Variants in PRMT8 observed in about 807,000 individuals in gnomAD.
PRMT8 encodes protein arginine N-methyltransferase 8.
PRMT8 carries 7 observed loss-of-function variants against 47.1 expected under a neutral mutation model. That is an observed-to-expected ratio of 0.15 (90% CI 0.08 to 0.28). The LOEUF is 0.28. PRMT8 is among the 10% of genes least tolerant of loss of function. The pLI, the probability that PRMT8 is intolerant of heterozygous loss-of-function variation, is 1.00. For synonymous variants in PRMT8, 188 were observed against 186.5 expected (o/e 1.01, Z -0.07); for missense variants, 237 against 505.4 (o/e 0.47, Z 5.09).
intron 2 of PRMT8, among the ~76,000 whole-genome samples, chr12:3,544,009 A>G (rs1368137118): frequency 6.6e-6 from 1 of 150,688 alleles, no homozygotes; most frequent in Non-Finnish European, 1.5e-5. Context: ...TGCCAATCCC[A>G]CTCCCGGCCA....
intron 8 of PRMT8, among the ~76,000 whole-genome samples, chr12:3,589,094 A>T (rs1350955837): frequency 6.6e-6 from 1 of 152,196 alleles, no homozygotes; most frequent in African/African-American, 2.4e-5. Flanking sequence ...ATGACCAAAG[A>T]CTTGCCTGAT....
intron 6 of PRMT8, among the ~76,000 whole-genome samples, chr12:3,574,305 C>G (rs1013916720): frequency 6.6e-6 from 1 of 152,232 alleles, no homozygotes; most frequent in Non-Finnish European, 1.5e-5. Context: ...CAGTAAAGAT[C>G]ATGTACCCCA....
intron 1 of PRMT8, among the ~76,000 whole-genome samples, chr12:3,507,758 CTT>C (rs928102421): frequency 3.7e-4 from 49 of 132,646 alleles, no homozygotes; most frequent in South Asian, 4.8e-4. Context: ...TCTTCTCCTT[CTT>C]TTTTTTTTTT....
intron 1 of PRMT8, among the ~76,000 whole-genome samples, chr12:3,536,752 A>G (rs914022671): frequency 1.3e-5 from 2 of 152,146 alleles, no homozygotes; most frequent in South Asian, 4.2e-4. Context: ...CCGGAGTGCA[A>G]TGCTCGGGCC....
chr12:3,425,161 G>C (rs1473435363), intron 1 of PRMT8, among the ~76,000 whole-genome samples: 1 of 152,212 alleles, frequency 6.6e-6, no homozygotes, highest in African/African-American at 2.4e-5. Flanking sequence ...TGCAAACTTC[G>C]ATGGTTATGT....
intron 1 of PRMT8, among the ~76,000 whole-genome samples, chr12:3,496,214 A>ATTTTTTTTTTTTTTTTTTTTTTTT (rs1555085718): frequency 1.1e-4 from 3 of 27,776 alleles, no homozygotes; most frequent in Non-Finnish European, 2.4e-4. Context: ...ATATATATAT[A>ATTTTTTTTTTTTTTTTTTTTTTTT]TTTTTTTTTT....
In PRMT8 at chr12:3,434,619, C is replaced by T. The variant is rs568508387; in HGVS notation, c.48+53177C>T. 8.5e-5 allele frequency among the ~76,000 whole-genome samples: 13 copies of T among 152,212 alleles called. No homozygotes were observed. In the East Asian group the frequency reaches 2.3e-3, roughly 27 times the overall value. On this transcript the variant is annotated intron_variant, in intron 1 of 9. Coordinates refer to the PRMT8 transcript ENST00000452611. ...CTGACAGAGGAAGTTACAGAAGGAG[C>T]CCCCCAGAAAATGGAGCTGATGACA...
chr12:3,511,562 C>T (rs1865714413), intron 1 of PRMT8, among the ~76,000 whole-genome samples: 1 of 152,190 alleles, frequency 6.6e-6, no homozygotes, highest in Non-Finnish European at 1.5e-5. Flanking sequence ...TTTCTCTTCC[C>T]TTCCCAGGCC....
intron 1 of PRMT8, among the ~76,000 whole-genome samples, chr12:3,403,898 AGAG>A (rs1338298939): frequency 1.8e-4 from 20 of 109,066 alleles, no homozygotes; most frequent in Admixed American, 4.8e-4. Flanking sequence ...AAAAAAAAAA[AGAG>A]AGAGAAAAAA....
chr12:3,394,876 C>T (rs1183783254), intron 1 of PRMT8, among the ~76,000 whole-genome samples: 10 of 151,350 alleles, frequency 6.6e-5, no homozygotes. Context: ...TTGATTATTG[C>T]CACAATTTCA....
chr12:3,475,529 C>T (rs1478868265), intron 1 of PRMT8, among the ~76,000 whole-genome samples: 6 of 152,200 alleles, frequency 3.9e-5, no homozygotes, highest in Admixed American at 2.0e-4. Context: ...TTTTCTGCCT[C>T]GGGATCCGGG....
At position 3,381,424 on chromosome 12, in the gene PRMT8, GCTGAAAGAGGTTTCTT is replaced by G; in HGVS notation, c.34_48+1del. ...AGTCTCTGGCTTCAGATGGATTCAA[GCTGAAAGAGGTTTCTT>G]CTGTAAGTCAGCTTGTATGGTAATT... is the stretch of plus-strand genomic sequence containing the variant. On this transcript the variant is annotated frameshift_variant and splice_region_variant, in exon 1 of 10. Coordinates refer to the PRMT8 transcript ENST00000452611. LOFTEE classifies it high-confidence loss of function. 6.5e-7 allele frequency: 1 copy of G among 1,536,134 alleles called. No homozygotes were observed. The highest frequency in any genetic ancestry group is 8.7e-7 in the Non-Finnish European group (1 of 1,146,882).
chr12:3,470,856 C>T (rs1299492251), intron 1 of PRMT8, among the ~76,000 whole-genome samples: 2 of 152,200 alleles, frequency 1.3e-5, no homozygotes, highest in African/African-American at 2.4e-5. Flanking sequence ...CTCTGGGACA[C>T]AGGGCCTGCT....
chr12:3,552,268 A>G lies in PRMT8; in HGVS notation c.418-1383A>G, dbSNP rs1225464804. Reference sequence around the variant, plus strand: ...AAAAGTGAAGACAGGTGGTAAAGAGAGAAGAGGGAAGAAATGGAAGAGGAG... The same window carrying G: ...AAAAGTGAAGACAGGTGGTAAAGAGGGAAGAGGGAAGAAATGGAAGAGGAG... On this transcript the variant is annotated intron_variant, in intron 3 of 9. Coordinates refer to ENST00000382622, the MANE Select transcript of PRMT8 (RefSeq NM_019854.5). This position sits in a 1 kb window ranked among gnomAD's most constrained non-coding sequence, Gnocchi z 4.5. 1 of 155,702 alleles carries G rather than the reference A, an allele frequency of 6.4e-6. No individual in the cohort carries two copies. Among genetic ancestry groups the G allele is most frequent in the Non-Finnish European group, 1.4e-5 (1 of 70,400 alleles). The allele number at this position is 155,702 out of a possible 1,614,324, so 9.6% of individuals were successfully genotyped here. A position where few individuals can be genotyped will look rare whatever the true frequency, so the allele number is the denominator to read the frequency against.
At chr12:3,521,812 A>G (rs1865884764) in intron 1 of PRMT8, among the ~76,000 whole-genome samples, 1 of 152,198 alleles carries the variant, frequency 6.6e-6, no homozygotes, top group African/African-American at 2.4e-5. Flanking sequence ...CTTCAGCTGG[A>G]TGGAGGCCTT....
Position 3,553,721 on chromosome 12 carries a change from C to A in PRMT8, c.481+7C>A. 1 of 1,575,396 alleles carries A rather than the reference C, an allele frequency of 6.3e-7. No individual in the cohort carries two copies. The highest frequency in any genetic ancestry group is 8.7e-7 in the Non-Finnish European group (1 of 1,144,936). On this transcript the variant is annotated splice_region_variant and intron_variant, in intron 4 of 9. Transcript: ENST00000382622. ...GCCAACCACTTGGACAACAGTAAGA[C>A]ATACCTCTGAGTGTTTTCTCCTGGA...
rs1348533593 is a variant in PRMT8, at chr12:3,492,797, A to C, written c.75+1097A>C. On this transcript the variant is annotated intron_variant, in intron 1 of 9. Transcript: ENST00000382622. This position sits in a 1 kb window ranked among gnomAD's most constrained non-coding sequence, Gnocchi z 7.5. ...GGCATGTGTGTGAAGATCATCCCTT[A>C]CTCAGTGGCAGGAAAAAGACACAGA... Among the ~76,000 whole-genome samples, 3 of 151,858 alleles carry C rather than the reference A, an allele frequency of 2.0e-5. No homozygotes were observed. Among genetic ancestry groups the C allele is most frequent in the Non-Finnish European group, 4.4e-5 (3 of 67,972 alleles).
intron 7 of PRMT8, among the ~76,000 whole-genome samples, chr12:3,579,073 A>G (rs1229171711): frequency 6.6e-6 from 1 of 152,134 alleles, no homozygotes; most frequent in Non-Finnish European, 1.5e-5. Flanking sequence ...CCTCCTTGCC[A>G]TCCTAAACAA....
intron 1 of PRMT8, among the ~76,000 whole-genome samples, chr12:3,387,118 A>G (rs1447113473): frequency 6.6e-6 from 1 of 152,256 alleles, no homozygotes; most frequent in East Asian, 1.9e-4. Context: ...ACACAAAGGA[A>G]GGTGGAGGAA....
Sources: gnomAD v4.1 joint callset for allele counts (sites outside exome capture counted in the v4.1 genomes callset) on GRCh38, gnomAD v4.1.1 for gene constraint, Gnocchi (gnomAD v3.1) non-coding constraint, MANE v1.5 for transcripts, NCBI Gene and HGNC (gene_info 2026-07-23, HGNC 2026-07-21) for gene names.